TMEM117: variants seen among roughly 807,000 people sequenced by gnomAD.
TMEM117 encodes transmembrane protein 117.
Under a neutral mutation model 52.4 loss-of-function variants are expected in TMEM117, and 27 were observed. The ratio of observed to expected loss-of-function variants is 0.51; its 90% CI spans 0.38 to 0.71. TMEM117 has a LOEUF of 0.71. Ranked by LOEUF, TMEM117 falls within the 30% of genes least tolerant of loss-of-function variation. TMEM117 has a pLI of 0.00. For synonymous variants in TMEM117, 215 were observed against 206.3 expected, an observed-to-expected ratio of 1.04 and a Z score of -0.36; for missense variants, 556 against 630.5, an observed-to-expected ratio of 0.88 and a Z score of 1.26.
the TMEM117 span, among the ~76,000 whole-genome samples, chr12:43,829,721 C>T: frequency 1.3e-5 from 2 of 152,190 alleles, no homozygotes; most frequent in Admixed American, 6.5e-5. Flanking sequence ...GTCATCTAAG[C>T]ACTGCACACT....
At chr12:44,287,646 A>G (rs1207193184) in intron 5 of TMEM117, among the ~76,000 whole-genome samples, 3 of 152,216 alleles carry the variant, frequency 2.0e-5, no homozygotes, top group Admixed American at 6.5e-5. Flanking sequence ...ATGAAAATGA[A>G]TGAAATCCTA....
At chr12:44,066,229 A>C (rs1303825079) in intron 3 of TMEM117, among the ~76,000 whole-genome samples, 1 of 152,202 alleles carries the variant, frequency 6.6e-6, no homozygotes, top group Non-Finnish European at 1.5e-5. Context: ...GCTGAACTTA[A>C]AATAGGTAAG....
chr12:44,191,153 G>C (rs529434874), intron 4 of TMEM117, among the ~76,000 whole-genome samples: 1 of 152,078 alleles, frequency 6.6e-6, no homozygotes, highest in African/African-American at 2.4e-5. Context: ...AGAAGAATGA[G>C]TGCCCAGCAG....
At chr12:44,137,070 T>C (rs1948500781) in intron 3 of TMEM117, among the ~76,000 whole-genome samples, 1 of 145,900 alleles carries the variant, frequency 6.9e-6, no homozygotes, top group Non-Finnish European at 1.5e-5. Context: ...AAACATACTA[T>C]ACCCTGGGCC....
intron 4 of TMEM117, among the ~76,000 whole-genome samples, chr12:44,172,305 G>A (rs1336978100): frequency 6.6e-6 from 1 of 152,058 alleles, no homozygotes; most frequent in Non-Finnish European, 1.5e-5. Context: ...GTGTTGGCAG[G>A]GCCATGCTTC....
At chr12:43,847,416 C>G (rs1033456887) in intron 2 of TMEM117, among the ~76,000 whole-genome samples, 1 of 152,094 alleles carries the variant, frequency 6.6e-6, no homozygotes, top group Non-Finnish European at 1.5e-5. Flanking sequence ...ACCTGATAAC[C>G]TCTGTTTTAC....
chr12:44,227,015 C>A (rs954848177), intron 5 of TMEM117, among the ~76,000 whole-genome samples: 7 of 151,960 alleles, frequency 4.6e-5, no homozygotes, highest in Non-Finnish European at 8.8e-5. Flanking sequence ...TCAAGAAATA[C>A]AAGCACAACT....
At chr12:43,934,106 T>C (rs983546793) in intron 2 of TMEM117, among the ~76,000 whole-genome samples, 1 of 150,410 alleles carries the variant, frequency 6.6e-6, no homozygotes, top group Non-Finnish European at 1.5e-5. Context: ...TAGTAAAATA[T>C]AGGCCAAATT....
chr12:43,917,226 T>G (rs1944619348), intron 2 of TMEM117, among the ~76,000 whole-genome samples: 1 of 60,670 alleles, frequency 1.6e-5, no homozygotes, highest in Non-Finnish European at 3.2e-5. Flanking sequence ...GAGCCTCATC[T>G]CTACAAAAAA....
chr12:44,093,755 A>G (rs749396508), intron 3 of TMEM117, among the ~76,000 whole-genome samples: 6 of 125,938 alleles, frequency 4.8e-5, no homozygotes, highest in Non-Finnish European at 8.7e-5. Flanking sequence ...TCTAAGGGAC[A>G]GAGGTGGAAT....
intron 6 of TMEM117, among the ~76,000 whole-genome samples, chr12:44,369,902 G>A (rs1592723460): frequency 1.3e-5 from 2 of 152,172 alleles, no homozygotes; most frequent in South Asian, 4.1e-4. Flanking sequence ...TGAATATTAA[G>A]AGAAAGTGAG....
intron 5 of TMEM117, among the ~76,000 whole-genome samples, chr12:44,237,368 C>T (rs1437445167): frequency 2.0e-5 from 3 of 151,664 alleles, no homozygotes; most frequent in Admixed American, 2.0e-4. Flanking sequence ...AGCACATATT[C>T]TACATTGTAA....
the TMEM117 span, among the ~76,000 whole-genome samples, chr12:43,827,044 A>C: frequency 6.6e-6 from 1 of 151,448 alleles, no homozygotes; most frequent in South Asian, 2.1e-4. Context: ...AATACATTTA[A>C]TCTAGTATGT....
intron 5 of TMEM117, among the ~76,000 whole-genome samples, chr12:44,296,406 G>A (rs1950769980): frequency 6.6e-6 from 1 of 152,272 alleles, no homozygotes; most frequent in Non-Finnish European, 1.5e-5. Flanking sequence ...ACAGACAAAT[G>A]TACCTCCTGC....
intron 3 of TMEM117, among the ~76,000 whole-genome samples, chr12:44,104,412 G>C (rs1413672988): frequency 6.6e-6 from 1 of 151,650 alleles, no homozygotes; most frequent in Non-Finnish European, 1.5e-5. Flanking sequence ...CTGGTAATTA[G>C]GGTTTTTTTT....
chr12:43,901,948 G>C (rs1430290174), intron 2 of TMEM117, among the ~76,000 whole-genome samples: 1 of 151,992 alleles, frequency 6.6e-6, no homozygotes, highest in Admixed American at 6.6e-5. Context: ...TGGTGATAAT[G>C]GTGGCATATT....
intron 6 of TMEM117, among the ~76,000 whole-genome samples, chr12:44,344,996 G>A (rs143961901): frequency 3.3e-4 from 50 of 152,084 alleles, no homozygotes; most frequent in African/African-American, 9.4e-4. Context: ...GAGAGAAGGT[G>A]CATTAAACCA....
At chr12:43,825,899 C>T in the TMEM117 span, among the ~76,000 whole-genome samples, 1 of 152,208 alleles carries the variant, frequency 6.6e-6, no homozygotes, top group Non-Finnish European at 1.5e-5. Flanking sequence ...ATGGCTGGCA[C>T]ATCTCTTATT....
At chr12:43,833,687 G>A (rs796706636), upstream of TMEM117, among the ~76,000 whole-genome samples, 3 of 152,148 alleles carry the variant, frequency 2.0e-5, no homozygotes, top group African/African-American at 7.2e-5. Flanking sequence ...TACTTGGGAG[G>A]GTGAGTCAGC....
Sources: allele counts gnomAD v4.1 joint callset (sites outside exome capture counted in the v4.1 genomes callset), GRCh38; gene constraint gnomAD v4.1.1; transcripts MANE v1.5; gene names NCBI Gene and HGNC (gene_info 2026-07-23, HGNC 2026-07-21).